Variants in SRPRB observed in about 807,000 individuals in gnomAD.
The protein encoded by SRPRB is SRP receptor subunit beta.
SRPRB carries 20 observed loss-of-function variants against 31.9 expected under a neutral mutation model. The ratio of observed to expected loss-of-function variants is 0.63; its 90% CI spans 0.44 to 0.91. SRPRB has a LOEUF of 0.91. Among genes scored for constraint, SRPRB ranks in the 40% least tolerant of loss-of-function variants. The pLI, the probability that SRPRB is intolerant of heterozygous loss-of-function variation, is 0.00. For missense variants in SRPRB, 321 were observed against 324.9 expected (o/e 0.99, Z 0.09); for synonymous variants, 146 against 132.8 (o/e 1.10, Z -0.68).
At chr3:133,807,906 A>T in intron 3 of SRPRB, 83 bp downstream of exon 3, 1 of 979,936 alleles carries the variant, frequency 1.0e-6, no homozygotes, top group South Asian at 1.4e-5. Context: ...GGATGAGTTC[A>T]TCTGAGGATG....
intron 3 of SRPRB, among the ~76,000 whole-genome samples, chr3:133,809,075 C>A (rs1309146387): frequency 1.3e-5 from 2 of 151,958 alleles, no homozygotes; most frequent in Admixed American, 6.6e-5. Context: ...TCACTGCAAC[C>A]TCTGCCTCCC....
chr3:133,795,602 G>GT (rs1264194151), intron 1 of SRPRB: 1 of 131,914 alleles, frequency 7.6e-6, no homozygotes, highest in Non-Finnish European at 1.6e-5. Flanking sequence ...TTGAGATGGA[G>GT]TCTCACTCTG....
upstream of SRPRB, among the ~76,000 whole-genome samples, chr3:133,801,316 C>A (rs141003129): frequency 6.6e-6 from 1 of 152,208 alleles, no homozygotes; most frequent in African/African-American, 2.4e-5. Context: ...CAGTCAGTAT[C>A]GCATGTCCTT....
intron 2 of SRPRB, 77 bp downstream of exon 2, chr3:133,806,780 T>A: frequency 8.7e-7 from 1 of 1,147,850 alleles, no homozygotes; most frequent in Middle Eastern, 2.1e-4. Context: ...CATCTCACGG[T>A]TTATTTTGTA....
At chr3:133,789,879 G>GTTTCT (rs1372575305) in intron 1 of SRPRB, 5 of 88,982 alleles carry the variant, frequency 5.6e-5, no homozygotes, top group African/African-American at 2.7e-4. Context: ...TCTCGTTTGC[G>GTTTCT]TTTTTTTTTT....
chr3:133,793,865 C>G (rs1353996341), intron 1 of SRPRB: 1 of 152,104 alleles, frequency 6.6e-6, no homozygotes, highest in Admixed American at 6.5e-5. Flanking sequence ...ATCATTTGAA[C>G]TGGGTAAGAA....
At chr3:133,828,060 C>T (rs1057071238), downstream of SRPRB, 11 of 695,026 alleles carry the variant, frequency 1.6e-5, no homozygotes, top group Admixed American at 6.0e-5. Flanking sequence ...GTACCCTCAA[C>T]CCCCTTCAAG....
In SRPRB at chr3:133,816,949, C is replaced by A; in HGVS notation, c.602+17C>A. On this transcript the variant is annotated intron_variant, in intron 6 of 6. Transcript: ENST00000678299. ...GAAAGAACTGTAAGTGTGAAAGAGG[C>A]CTGTTGGTTAATTATATATCTTAAC... 1 of 1,603,836 alleles carries A rather than the reference C, an allele frequency of 6.2e-7. No individual in the cohort carries two copies. The highest frequency in any genetic ancestry group is 8.5e-7 in the Non-Finnish European group (1 of 1,174,968).
downstream of SRPRB, chr3:133,828,390 A>C: frequency 2.8e-6 from 1 of 355,524 alleles, no homozygotes; most frequent in Non-Finnish European, 5.1e-6. Context: ...AGAGAACAGG[A>C]AGGAGGAGGT....
chr3:133,807,179 A>G (rs1413981347), intron 2 of SRPRB, among the ~76,000 whole-genome samples: 1 of 150,846 alleles, frequency 6.6e-6, no homozygotes, highest in African/African-American at 2.4e-5. Flanking sequence ...TGAATAGGAG[A>G]GGTTTTCTGC....
rs765557233 is a variant in SRPRB, at chr3:133,819,581, G to A, written c.631G>A (p.Ala211Thr). 1 of 1,614,072 alleles carries A rather than the reference G, an allele frequency of 6.2e-7. No individual in the cohort carries two copies. The highest frequency in any genetic ancestry group is 1.1e-5 in the South Asian group (1 of 91,076). ...LNTLRVTRSA[A>T]PSTLDSSSTA... ...CACCTTACGAGTTACCCGTTCTGCT[G>A]CCCCCAGCACACTGGACAGTTCCAG... Residue 211 changes from alanine (A) to threonine (T), a missense_variant, in exon 7 of 7, where the codon GCC becomes ACC. Coordinates refer to ENST00000678299, the MANE Select transcript of SRPRB (RefSeq NM_001379313.1).
downstream of SRPRB, among the ~76,000 whole-genome samples, chr3:133,824,046 CT>C (rs1935516390): frequency 6.6e-6 from 1 of 152,160 alleles, no homozygotes; most frequent in Admixed American, 6.5e-5. Context: ...TGTGTCCCAT[CT>C]TTACCCCTTC....
At chr3:133,816,184 T>G (rs1159693343) in intron 5 of SRPRB, among the ~76,000 whole-genome samples, 1 of 152,246 alleles carries the variant, frequency 6.6e-6, no homozygotes, top group Non-Finnish European at 1.5e-5. Context: ...AAACTGGGCT[T>G]CAGTTCCGTT....
upstream of SRPRB, among the ~76,000 whole-genome samples, chr3:133,804,928 A>C (rs1935123085): frequency 6.6e-6 from 1 of 152,198 alleles, no homozygotes; most frequent in African/African-American, 2.4e-5. Context: ...GGGACCCTCT[A>C]GGCTGGCCAC....
intron 1 of SRPRB, among the ~76,000 whole-genome samples, chr3:133,797,502 C>A (rs1934994815): frequency 6.6e-6 from 1 of 152,158 alleles, no homozygotes; most frequent in Non-Finnish European, 1.5e-5. Flanking sequence ...TTTAAAAGTG[C>A]ACAATATAGA....
upstream of SRPRB, chr3:133,805,727 C>T (rs538513790): frequency 2.2e-6 from 3 of 1,349,876 alleles, no homozygotes; most frequent in African/African-American, 3.0e-5. Context: ...TGGGGGATCG[C>T]CGCGGCTGAG....
chr3:133,822,341 A>G (rs1935486803), downstream of SRPRB, among the ~76,000 whole-genome samples: 1 of 151,864 alleles, frequency 6.6e-6, no homozygotes, highest in Non-Finnish European at 1.5e-5. Flanking sequence ...AGCTGTGATG[A>G]GTGAGCCCCA....
intron 1 of SRPRB, chr3:133,787,198 A>G (rs1358764557): frequency 6.6e-6 from 1 of 152,226 alleles, no homozygotes; most frequent in Non-Finnish European, 1.5e-5. Context: ...AGAAGTTGCC[A>G]GTGTATGACA....
At position 133,817,064 on chromosome 3, in the gene SRPRB, T is replaced by G. The variant is rs1935380958; in HGVS notation, c.602+132T>G. ...AGACTGAAGATTAGTGTGATAAATA[T>G]TTGTTAAATAATTTACAAAATAATG... On this transcript the variant is annotated intron_variant, in intron 6 of 6. Transcript: ENST00000678299. The G allele has an allele frequency of 2.1e-5, 13 of 624,088 alleles. No homozygotes were observed. The South Asian group carries it at 6.2e-4, about 30-fold the overall frequency. 38.7% of individuals were successfully genotyped at this position (624,088 alleles called of 1,614,324 possible). A position where few individuals can be genotyped will look rare whatever the true frequency, so the allele number is the denominator to read the frequency against.
Sources: allele counts gnomAD v4.1 joint callset (sites outside exome capture counted in the v4.1 genomes callset), GRCh38; gene constraint gnomAD v4.1.1; transcripts MANE v1.5; gene names NCBI Gene and HGNC (gene_info 2026-07-23, HGNC 2026-07-21).